The following ZFYVE28 variants were observed in gnomAD, a reference collection of about 807,000 sequenced individuals.
ZFYVE28 encodes the protein zinc finger FYVE-type containing 28.
ZFYVE28 carries 40 observed loss-of-function variants against 82.1 expected under a neutral mutation model. The ratio of observed to expected loss-of-function variants is 0.49; its 90% CI spans 0.38 to 0.63. The LOEUF (loss-of-function observed/expected upper bound fraction) is 0.63, where lower values mean the gene tolerates loss of function less well. Ranked by LOEUF, ZFYVE28 falls within the 30% of genes least tolerant of loss-of-function variation. The pLI is 0.00. For missense variants in ZFYVE28, 1,321 were observed against 1,242.1 expected (o/e 1.06, Z -0.96); for synonymous variants, 612 against 546.1 (o/e 1.12, Z -1.68).
At chr4:2,317,337 A>T (rs1351517581) in intron 7 of ZFYVE28, among the ~76,000 whole-genome samples, 1 of 152,214 alleles carries the variant, frequency 6.6e-6, no homozygotes, top group Non-Finnish European at 1.5e-5. Context: ...ATATAAAAGA[A>T]TCATAAAGGT....
intron 8 of ZFYVE28, among the ~76,000 whole-genome samples, chr4:2,275,377 G>C (rs761849386): frequency 6.6e-6 from 1 of 152,056 alleles, no homozygotes; most frequent in Admixed American, 6.5e-5. Flanking sequence ...CTATCTTTTT[G>C]TCCCATTTTC....
At chr4:2,364,509 A>C (rs1170558632) in intron 1 of ZFYVE28, 1 of 985,368 alleles carries the variant, frequency 1.0e-6, no homozygotes, top group Non-Finnish European at 1.2e-6. Context: ...GTGCCTGTTT[A>C]GAGGAATCCT....
intron 4 of ZFYVE28, among the ~76,000 whole-genome samples, chr4:2,338,328 C>T (rs895221831): frequency 6.6e-6 from 1 of 152,260 alleles, no homozygotes; most frequent in Non-Finnish European, 1.5e-5. Flanking sequence ...TAGCTCACGC[C>T]TGTAATCCCA....
intron 4 of ZFYVE28, among the ~76,000 whole-genome samples, chr4:2,337,877 T>TACACACACACACACACACACAC (rs57325124): frequency 2.8e-4 from 43 of 151,090 alleles, no homozygotes; most frequent in African/African-American, 8.3e-4. Flanking sequence ...TCTCTTAAAA[T>TACACACACACACACACACACAC]ACACACACAC....
chr4:2,281,128 G>C (rs755274358), intron 8 of ZFYVE28, among the ~76,000 whole-genome samples: 2 of 152,220 alleles, frequency 1.3e-5, no homozygotes, highest in Non-Finnish European at 2.9e-5. Flanking sequence ...TGGCGTGGGA[G>C]GGGGAATGGG....
intron 7 of ZFYVE28, among the ~76,000 whole-genome samples, chr4:2,308,002 A>G (rs1393661068): frequency 6.6e-6 from 1 of 152,186 alleles, no homozygotes. Flanking sequence ...AGAGACCTAT[A>G]TATGCATTGG....
At chr4:2,411,672 G>A (rs1406503539) in intron 1 of ZFYVE28, among the ~76,000 whole-genome samples, 1 of 152,178 alleles carries the variant, frequency 6.6e-6, no homozygotes, top group Non-Finnish European at 1.5e-5. Flanking sequence ...GTAGAGGTTC[G>A]AGCAAGGTGA....
rs1735905080 is a variant in ZFYVE28 at position 2,271,493 on chromosome 4, C to G, written c.2429-79G>C. 8 of 1,507,750 alleles carry G rather than the reference C, an allele frequency of 5.3e-6. 1 individual carries two copies. In the Admixed American group the frequency reaches 7.0e-5, roughly 13 times the overall value. The allele number at this position is 1,507,750 out of a possible 1,614,324, so 93.4% of individuals were successfully genotyped here. On this transcript the variant is annotated intron_variant, in intron 11 of 12. Transcript: ENST00000290974. ...GCCGGGACCCTCAACCTACCCTGGGCCCTCCTTTCCAGACTGCCAAGCCGC... is the reference window on the plus strand; with the variant it reads ...GCCGGGACCCTCAACCTACCCTGGGGCCTCCTTTCCAGACTGCCAAGCCGC...
intron 8 of ZFYVE28, chr4:2,285,395 C>G (rs776052542): frequency 3.3e-5 from 5 of 152,292 alleles, no homozygotes; most frequent in African/African-American, 4.8e-5. Flanking sequence ...GTGGCGCTGA[C>G]CCCGCCATGG....
intron 1 of ZFYVE28, among the ~76,000 whole-genome samples, chr4:2,361,014 T>C (rs1726077467): frequency 6.6e-6 from 1 of 152,152 alleles, no homozygotes; most frequent in African/African-American, 2.4e-5. Context: ...TTGATATAAA[T>C]AGGAAGTACT....
intron 8 of ZFYVE28, among the ~76,000 whole-genome samples, chr4:2,295,052 C>T (rs750759629): frequency 2.0e-5 from 3 of 152,294 alleles, no homozygotes; most frequent in Non-Finnish European, 2.9e-5. Flanking sequence ...ATCAGAATGG[C>T]TAAAAAGCCC....
At chr4:2,311,239 T>A (rs1476248139) in intron 7 of ZFYVE28, among the ~76,000 whole-genome samples, 1 of 152,146 alleles carries the variant, frequency 6.6e-6, no homozygotes, top group Non-Finnish European at 1.5e-5. Flanking sequence ...ATAACTAACT[T>A]TTGGGGCCTG....
intron 1 of ZFYVE28, among the ~76,000 whole-genome samples, chr4:2,402,571 C>G (rs1731312657): frequency 6.6e-6 from 1 of 152,182 alleles, no homozygotes; most frequent in Admixed American, 6.5e-5. Context: ...TCCACAAAGC[C>G]CGGGGAAGTG....
In ZFYVE28 at chr4:2,362,374, G is replaced by A. The variant is rs1018853698; in HGVS notation, c.40-8301C>T. Among the ~76,000 whole-genome samples, 2 of 152,060 alleles carry A rather than the reference G, an allele frequency of 1.3e-5. No homozygotes were observed. Among genetic ancestry groups the A allele is most frequent in the African/African-American group, 2.4e-5 (1 of 41,378 alleles). On this transcript the variant is annotated intron_variant, in intron 1 of 12. Coordinates refer to ENST00000290974, the MANE Select transcript of ZFYVE28 (RefSeq NM_020972.3). This position sits in a 1 kb window ranked among gnomAD's most constrained non-coding sequence, Gnocchi z 5.1. Reference sequence around the variant, plus strand: ...GCCTCTGCCTGGGACACACAAATGCGGCCCCACAGCTGTGACCCCCACAGC... The same window carrying A: ...GCCTCTGCCTGGGACACACAAATGCAGCCCCACAGCTGTGACCCCCACAGC...
chr4:2,341,630 AG>A lies in ZFYVE28; in HGVS notation c.181-16del. The stretch of plus-strand genomic sequence containing the variant: ...AACACATTGTCCTGAAACAGAAGAC[AG>A]GAGAAAGTGCGCCAATCGCTGTGTC... On this transcript the variant is annotated splice_polypyrimidine_tract_variant and intron_variant, in intron 2 of 12. Transcript: ENST00000290974. The surrounding 1 kb of genome is among the most constrained non-coding windows in gnomAD (Gnocchi z 4.5). The A allele has an allele frequency of 6.3e-7, 1 of 1,597,386 alleles. No homozygotes were observed. The highest frequency in any genetic ancestry group is 8.6e-7 in the Non-Finnish European group (1 of 1,166,288).
chr4:2,334,771 CTTCCGCCTCCCCTCTTCCCCCTCCCCT>C (rs1721346535), intron 6 of ZFYVE28, among the ~76,000 whole-genome samples: 2 of 32,012 alleles, frequency 6.2e-5, no homozygotes, highest in Non-Finnish European at 1.0e-4. Flanking sequence ...CCCCTCCCCA[CTTCCGCCTCCCCTCTTCCCCCTCCCCT>C]CTTCCCCCTC....
chr4:2,334,019 G>T (rs894430033), intron 6 of ZFYVE28, among the ~76,000 whole-genome samples: 3 of 152,152 alleles, frequency 2.0e-5, no homozygotes, highest in African/African-American at 7.2e-5. Flanking sequence ...TGGCCACTGG[G>T]GACACCCTGC....
chr4:2,363,678 A>G (rs541451902), intron 1 of ZFYVE28, among the ~76,000 whole-genome samples: 1 of 152,316 alleles, frequency 6.6e-6, no homozygotes, highest in Admixed American at 6.5e-5. Flanking sequence ...TCACCAGCGC[A>G]TGGAGGACTA....
At chr4:2,385,171 C>T (rs1729120016) in intron 1 of ZFYVE28, among the ~76,000 whole-genome samples, 1 of 152,192 alleles carries the variant, frequency 6.6e-6, no homozygotes, top group African/African-American at 2.4e-5. Flanking sequence ...GGAATACACC[C>T]GCACTGCTGC....
Sources: gnomAD v4.1 joint callset for allele counts (sites outside exome capture counted in the v4.1 genomes callset) on GRCh38, gnomAD v4.1.1 for gene constraint, Gnocchi (gnomAD v3.1) non-coding constraint, MANE v1.5 for transcripts, NCBI Gene and HGNC (gene_info 2026-07-23, HGNC 2026-07-21) for gene names.